EVL: variants seen among roughly 807,000 people sequenced by gnomAD.
The protein encoded by EVL is ena/VASP-like protein.
EVL carries 21 observed loss-of-function variants against 59.6 expected under a neutral mutation model. The observed-to-expected ratio is 0.35, with a 90% CI of 0.25 to 0.51. The LOEUF is 0.51. Among genes scored for constraint, EVL ranks in the 20% least tolerant of loss-of-function variants. The probability of loss-of-function intolerance (pLI) is 0.97; values close to 1 mark genes in which losing one functional copy is unlikely to be tolerated. For synonymous variants in EVL, 198 were observed against 203.5 expected (o/e 0.97, Z 0.23); for missense variants, 462 against 546.6 (o/e 0.85, Z 1.54).
intron 1 of EVL, among the ~76,000 whole-genome samples, chr14:100,034,234 CAAAAAAA>C (rs548491187): frequency 7.7e-5 from 7 of 90,936 alleles, no homozygotes; most frequent in Non-Finnish European, 1.7e-4. Flanking sequence ...GAATCTGTCT[CAAAAAAA>C]AAAAAAAAAG....
chr14:100,047,594 G>A (rs186780901), intron 1 of EVL, among the ~76,000 whole-genome samples: 24 of 152,276 alleles, frequency 1.6e-4, no homozygotes, highest in Admixed American at 9.2e-4. Flanking sequence ...TGCCGTCAAG[G>A]AATGCTTCCA....
chr14:100,116,125 C>G (rs967763260), intron 3 of EVL, among the ~76,000 whole-genome samples: 1 of 152,200 alleles, frequency 6.6e-6, no homozygotes, highest in Non-Finnish European at 1.5e-5. Context: ...GACACTTGCT[C>G]GCTTGGTGAT....
chr14:100,076,192 T>C (rs1305870141), intron 1 of EVL, among the ~76,000 whole-genome samples: 2 of 152,182 alleles, frequency 1.3e-5, no homozygotes, highest in African/African-American at 2.4e-5. Context: ...TGGGGATGCT[T>C]TCGCTGCCAT....
intron 1 of EVL, among the ~76,000 whole-genome samples, chr14:100,015,884 A>G (rs2061045935): frequency 6.6e-6 from 1 of 151,822 alleles, no homozygotes; most frequent in Non-Finnish European, 1.5e-5. Flanking sequence ...CAGCCTGGCC[A>G]ACATGGCAAA....
At chr14:100,140,907 G>C in intron 11 of EVL, 1 of 407,824 alleles carries the variant, frequency 2.5e-6, no homozygotes, top group Non-Finnish European at 4.4e-6. Flanking sequence ...CTCTGCATAA[G>C]AGCTCTCTGA....
intron 1 of EVL, among the ~76,000 whole-genome samples, chr14:100,007,797 GAGAC>G (rs1048845936): frequency 2.6e-5 from 4 of 152,016 alleles, no homozygotes; most frequent in Non-Finnish European, 2.9e-5. Context: ...GAGAGAGGGA[GAGAC>G]AGACAGAGAC....
upstream of EVL, chr14:99,971,432 C>A (rs959968946): frequency 4.6e-5 from 7 of 151,876 alleles, no homozygotes; most frequent in Non-Finnish European, 7.4e-5. Flanking sequence ...AAGCTCAGCG[C>A]TCCCGGAGGC....
At position 100,015,254 on chromosome 14, in the gene EVL, G is replaced by A. The variant is rs572528644; in HGVS notation, c.5+43197G>A. Among the ~76,000 whole-genome samples the A allele has an allele frequency of 2.6e-5, 4 of 152,354 alleles. No homozygotes were observed. In the South Asian group the frequency reaches 8.3e-4, roughly 32 times the overall value. ...AATCATAAATTCCTTTTCTTGGACA[G>A]TTGACCATTTCGTATGAAAAGACAT... On this transcript the variant is annotated intron_variant, in intron 1 of 13. Coordinates refer to the EVL transcript ENST00000402714.
At chr14:100,054,834 G>A (rs1290202334) in intron 1 of EVL, among the ~76,000 whole-genome samples, 1 of 152,044 alleles carries the variant, frequency 6.6e-6, no homozygotes, top group Non-Finnish European at 1.5e-5. Flanking sequence ...TGACCTCTTT[G>A]TGTCATTCTC....
chr14:100,143,672 C>T lies in EVL; in HGVS notation c.1220-29C>T, dbSNP rs1225767822. The T allele has an allele frequency of 2.5e-6, 4 of 1,610,272 alleles. No homozygotes were observed. The Admixed American group carries it at 5.0e-5, about 20-fold the overall frequency. The stretch of plus-strand genomic sequence containing the variant: ...AACCGGGCTGCACTGGTCATGGCTG[C>T]ACCTGAGCCGCCGCCACCTGTCCCG... On this transcript the variant is annotated intron_variant, in intron 13 of 13. Coordinates refer to ENST00000392920, the MANE Select transcript of EVL (RefSeq NM_016337.3).
At chr14:100,143,050 C>T (rs1889287870) in intron 13 of EVL, among the ~76,000 whole-genome samples, 1 of 152,180 alleles carries the variant, frequency 6.6e-6, no homozygotes, top group African/African-American at 2.4e-5. Context: ...CAGAGAGAGG[C>T]CTGAGTTGAC....
intron 3 of EVL, among the ~76,000 whole-genome samples, chr14:100,113,444 A>C (rs1036114025): frequency 2.0e-5 from 3 of 152,162 alleles, no homozygotes; most frequent in Admixed American, 2.0e-4. Context: ...TGCTCTCATC[A>C]TCTTCCTCAT....
chr14:100,060,858 A>T (rs2061815217), upstream of EVL, among the ~76,000 whole-genome samples: 1 of 152,006 alleles, frequency 6.6e-6, no homozygotes, highest in Non-Finnish European at 1.5e-5. Context: ...AATATTAAAA[A>T]TGACCAAAGG....
At chr14:100,140,310 A>G (rs1017874251) in intron 11 of EVL, 1 of 152,100 alleles carries the variant, frequency 6.6e-6, no homozygotes, top group African/African-American at 2.4e-5. Flanking sequence ...CACGAGAACT[A>G]CCTTGAAAGA....
rs776088697 is a variant in EVL, at chr14:100,065,463, C to A, written c.-38C>A. 20 of 1,461,662 alleles carry A rather than the reference C, an allele frequency of 1.4e-5. No homozygotes were observed. The South Asian group carries it at 2.5e-4, about 18-fold the overall frequency. The allele number at this position is 1,461,662 out of a possible 1,614,324, so 90.5% of individuals were successfully genotyped here. On this transcript the variant is annotated 5_prime_UTR_variant, in exon 1 of 14. Coordinates refer to ENST00000392920, the MANE Select transcript of EVL (RefSeq NM_016337.3). The stretch of plus-strand genomic sequence containing the variant: ...CATAGGCTGGTGGGAGTACAGGACT[C>A]GCCTCCTCAGGGTTCCCTGTGCTGC...
rs536750180 is a variant in EVL at position 100,024,745 on chromosome 14, A to G, written c.5+52688A>G. ...AGAACTTGTCCTAAACTCTGGGCCC[A>G]TATATCCATCTGCTTGTTTGATGTC... On this transcript the variant is annotated intron_variant, in intron 1 of 13. Coordinates refer to the EVL transcript ENST00000402714. Among the ~76,000 whole-genome samples, 7 of 152,084 alleles carry G rather than the reference A, an allele frequency of 4.6e-5. No individual in the cohort carries two copies. The East Asian group carries it at 7.8e-4, about 17-fold the overall frequency.
chr14:100,134,425 ACT>A (rs1888639708), intron 8 of EVL, among the ~76,000 whole-genome samples: 3 of 151,806 alleles, frequency 2.0e-5, no homozygotes, highest in South Asian at 2.1e-4. Flanking sequence ...CAAGGATAGC[ACT>A]CTCCTCCTCA....
chr14:100,049,222 A>C (rs940473505), intron 1 of EVL, among the ~76,000 whole-genome samples: 1 of 152,216 alleles, frequency 6.6e-6, no homozygotes, highest in African/African-American at 2.4e-5. Context: ...TGTTCCTTAA[A>C]ACCATTGGAA....
At chr14:100,022,249 A>T (rs1387956068) in intron 1 of EVL, among the ~76,000 whole-genome samples, 1 of 149,974 alleles carries the variant, frequency 6.7e-6, no homozygotes, top group African/African-American at 2.5e-5. Flanking sequence ...CAGCCCTGAG[A>T]GCAGAAGGAA....
Sources: gnomAD v4.1 joint callset for allele counts (sites outside exome capture counted in the v4.1 genomes callset) on GRCh38, gnomAD v4.1.1 for gene constraint, MANE v1.5 for transcripts, NCBI Gene and HGNC (gene_info 2026-07-23, HGNC 2026-07-21) for gene names.